The following TUB variants were observed in gnomAD, a reference collection of about 807,000 sequenced individuals.
The protein encoded by TUB is tubby protein homolog.
A neutral mutation model predicts 59.7 loss-of-function variants in TUB; 33 were observed. The ratio of observed to expected loss-of-function variants is 0.55; its 90% CI spans 0.42 to 0.74. The LOEUF (loss-of-function observed/expected upper bound fraction) is 0.74. TUB is among the 30% of genes least tolerant of loss of function. TUB has a pLI of 0.00. For synonymous variants in TUB, 293 were observed against 256.4 expected (o/e 1.14, Z -1.36); for missense variants, 659 against 672.0 (o/e 0.98, Z 0.21).
chr11:8,037,116 G>A (rs1322420160), upstream of TUB, among the ~76,000 whole-genome samples: 1 of 152,230 alleles, frequency 6.6e-6, no homozygotes, highest in East Asian at 1.9e-4. Flanking sequence ...GAGGTCTCCA[G>A]TTGCAGGTGC....
chr11:8,100,197 A>G (rs991035781), intron 9 of TUB, among the ~76,000 whole-genome samples: 4 of 152,316 alleles, frequency 2.6e-5, no homozygotes, highest in South Asian at 2.1e-4. Context: ...GCTGACAGAA[A>G]CTGCTGATGG....
intron 2 of TUB, among the ~76,000 whole-genome samples, chr11:8,059,498 A>G (rs11821236): frequency 0.17 from 26,517 of 152,142 alleles, 2,614 homozygotes; most frequent in African/African-American, 0.25. Context: ...AGGTCTGGGC[A>G]GGGTGGTGCC....
intron 2 of TUB, chr11:8,039,806 G>C: frequency 1.3e-6 from 1 of 768,922 alleles, no homozygotes; most frequent in Non-Finnish European, 1.9e-6. Context: ...CCCCATATGC[G>C]CCTGGGAGTG....
At chr11:8,040,930 C>T (rs982951152) in intron 2 of TUB, among the ~76,000 whole-genome samples, 2 of 152,236 alleles carry the variant, frequency 1.3e-5, no homozygotes, top group African/African-American at 4.8e-5. Flanking sequence ...AAACAGGCCT[C>T]AGGTTCTGAA....
chr11:8,057,633 T>A (rs1232768421), intron 2 of TUB, among the ~76,000 whole-genome samples: 1 of 152,138 alleles, frequency 6.6e-6, no homozygotes, highest in African/African-American at 2.4e-5. Flanking sequence ...ACCCTCCTTA[T>A]CTTGTCCCCT....
chr11:8,027,347 G>A lies in TUB; in HGVS notation c.56+7989G>A, dbSNP rs146227003. Among the ~76,000 whole-genome samples the A allele has an allele frequency of 4.6e-5, 7 of 152,064 alleles. No individual in the cohort carries two copies. The East Asian group carries it at 9.6e-4, about 21-fold the overall frequency. ...ATAAATTGCCTATTTTAGATATTTC[G>A]TATAACGAAATCATACAGTATTTTT... On this transcript the variant is annotated intron_variant, in intron 1 of 11. Transcript: ENST00000534099.
At chr11:8,060,661 C>A (rs919594651) in intron 2 of TUB, among the ~76,000 whole-genome samples, 2 of 152,154 alleles carry the variant, frequency 1.3e-5, no homozygotes, top group South Asian at 2.1e-4. Flanking sequence ...GTGTGGAAAT[C>A]TAGTCCCACC....
rs1225713321 is a variant in TUB at position 8,098,775 on chromosome 11, C to T, written c.1016C>T (p.Thr339Ile). The change falls in exon 9 of 12, where the codon ACC (threonine) becomes ATC (isoleucine). Residue 339 changes from threonine to isoleucine, a missense_variant. By Grantham distance (89) the Thr-to-Ile change is moderately conservative (BLOSUM62 -1). Around this residue, in one of 3 missense-constraint regions of TUB, gnomAD observed 112 missense variants for 156.9 expected, o/e 0.71. Transcript: ENST00000299506. Reference sequence around the variant, plus strand: ...TATTTCAGGTCCAACTTGATGGGCACCAAGTTCACTGTTTATGACAATGGA... The same window carrying T: ...TATTTCAGGTCCAACTTGATGGGCATCAAGTTCACTGTTTATGACAATGGA... Reference protein sequence around the residue: ...IGKLRSNLMGTKFTVYDNGVN... With the variant: ...IGKLRSNLMGIKFTVYDNGVN... The T allele has an allele frequency of 2.5e-6, 4 of 1,613,788 alleles. No homozygotes were observed. Among genetic ancestry groups the T allele is most frequent in the Non-Finnish European group, 2.5e-6 (3 of 1,179,792 alleles).
At chr11:8,092,943 A>G (rs565841990) in intron 3 of TUB, among the ~76,000 whole-genome samples, 2 of 152,124 alleles carry the variant, frequency 1.3e-5, no homozygotes, top group South Asian at 4.2e-4. Flanking sequence ...TGCTGGCTAT[A>G]CTCATTCATG....
chr11:8,075,759 T>C (rs1943438687), intron 2 of TUB: 1 of 152,182 alleles, frequency 6.6e-6, no homozygotes, highest in African/African-American at 2.4e-5. Flanking sequence ...CACCATCTCT[T>C]TCCCAGCACG....
intron 7 of TUB, 104 bp downstream of exon 7, chr11:8,097,529 T>G: frequency 6.7e-7 from 1 of 1,498,200 alleles, no homozygotes; most frequent in South Asian, 1.2e-5. Context: ...GACCTCTCAG[T>G]TCCTCAAAGA....
intron 10 of TUB, 111 bp from the exon 11 acceptor site, chr11:8,100,715 C>T (rs1157019742): frequency 4.5e-6 from 7 of 1,544,590 alleles, no homozygotes; most frequent in Non-Finnish European, 6.2e-6. Context: ...TGTGAGAAAG[C>T]CCTGGAGGTC....
intron 2 of TUB, among the ~76,000 whole-genome samples, chr11:8,048,015 T>A (rs1379390997): frequency 6.6e-6 from 1 of 152,132 alleles, no homozygotes; most frequent in Non-Finnish European, 1.5e-5. Context: ...GGCAGGGCTG[T>A]ATCTTTTTTT....
intron 1 of TUB, among the ~76,000 whole-genome samples, chr11:8,021,864 C>T (rs1483017765): frequency 3.3e-5 from 5 of 149,832 alleles, no homozygotes; most frequent in East Asian, 2.0e-4. Flanking sequence ...TGCAGTGAGC[C>T]GAGATCACGC....
rs1440874601 is a variant in TUB at position 8,105,475 on chromosome 11, G to GATAGATTACGACAGGTTTGGTTTTTA, written c.*3858_*3883dup. On this transcript the variant is annotated 3_prime_UTR_variant, in exon 12 of 12. Transcript: ENST00000299506. ...TGATACAGGCGGGAGGGGCAGAACA[G>GATAGATTACGACAGGTTTGGTTTTTA]ATAGATTACGACAGGTTTGGTTTTT... The GATAGATTACGACAGGTTTGGTTTTTA allele has an allele frequency of 6.6e-5, 10 of 152,154 alleles. No individual in the cohort carries two copies. Among genetic ancestry groups the GATAGATTACGACAGGTTTGGTTTTTA allele is most frequent in the African/African-American group, 2.4e-4 (10 of 41,442 alleles). The allele number at this position is 152,154 out of a possible 1,614,324, so 9.4% of individuals were successfully genotyped here.
At position 8,102,867 on chromosome 11, in the gene TUB, T is replaced by G. The variant is rs191795438; in HGVS notation, c.*1248T>G. On this transcript the variant is annotated 3_prime_UTR_variant, in exon 12 of 12. Transcript: ENST00000299506. The stretch of plus-strand genomic sequence containing the variant: ...ATTCAGAACTTCAAGTTCTCTTGAT[T>G]TCTTTGTTCCCACTGTCCCCCAAGA... The G allele has an allele frequency of 1.3e-4, 19 of 151,928 alleles. No homozygotes were observed. The highest frequency in any genetic ancestry group is 4.1e-4 in the African/African-American group (17 of 41,426). 9.4% of individuals were successfully genotyped at this position (151,928 alleles called of 1,614,324 possible).
intron 4 of TUB, among the ~76,000 whole-genome samples, chr11:8,094,793 G>A (rs1168967543): frequency 6.6e-6 from 1 of 152,214 alleles, no homozygotes; most frequent in East Asian, 1.9e-4. Flanking sequence ...TTTTGTTCAC[G>A]GACAGTGGTT....
chr11:8,038,843 T>G, exon 1 of TUB: 6 of 1,609,254 alleles, frequency 3.7e-6, no homozygotes, highest in Non-Finnish European at 5.1e-6. Context: ...AGTGGGACCA[T>G]CCCTTAAACC....
chr11:8,049,877 G>A (rs1325971541), intron 2 of TUB, among the ~76,000 whole-genome samples: 1 of 151,978 alleles, frequency 6.6e-6, no homozygotes, highest in Non-Finnish European at 1.5e-5. Flanking sequence ...CAAATTATAA[G>A]TGGACAGCTT....
Sources: allele counts gnomAD v4.1 joint callset (sites outside exome capture counted in the v4.1 genomes callset), GRCh38; gene constraint gnomAD v4.1.1; regional missense constraint gnomAD v4.1.1; transcripts MANE v1.5; gene names NCBI Gene and HGNC (gene_info 2026-07-23, HGNC 2026-07-21).